IGF1R: variants seen among roughly 807,000 people sequenced by gnomAD.
The protein encoded by IGF1R is insulin like growth factor 1 receptor, also known as insulin-like growth factor 1 receptor.
IGF1R carries 44 observed loss-of-function variants against 144.6 expected under a neutral mutation model. The ratio of observed to expected loss-of-function variants is 0.30; its 90% confidence interval spans 0.24 to 0.39. The LOEUF (loss-of-function observed/expected upper bound fraction) is 0.39. Ranked by LOEUF, IGF1R falls within the 10% of genes least tolerant of loss-of-function variation. The probability of loss-of-function intolerance (pLI) is 1.00; values close to 1 mark genes in which losing one functional copy is unlikely to be tolerated. For synonymous variants in IGF1R, 795 were observed against 722.8 expected, an observed-to-expected ratio of 1.10 and a Z score of -1.60; for missense variants, 1,355 against 1,833.7, an observed-to-expected ratio of 0.74 and a Z score of 4.77.
chr15:98,937,314 C>G (rs962537871), intron 17 of IGF1R, among the ~76,000 whole-genome samples: 1 of 152,166 alleles, frequency 6.6e-6, no homozygotes, highest in Non-Finnish European at 1.5e-5. Flanking sequence ...AAACTCACTC[C>G]CTTCCTCCCC....
chr15:98,819,106 A>G (rs942866198), intron 2 of IGF1R, among the ~76,000 whole-genome samples: 1 of 152,092 alleles, frequency 6.6e-6, no homozygotes, highest in African/African-American at 2.4e-5. Flanking sequence ...CAGGTCAGAA[A>G]TGCCTCAGAC....
chr15:98,863,935 G>T (rs1323531527), intron 2 of IGF1R, among the ~76,000 whole-genome samples: 1 of 152,166 alleles, frequency 6.6e-6, no homozygotes, highest in Non-Finnish European at 1.5e-5. Flanking sequence ...GTAATTAAAA[G>T]AAGTGTTCAA....
chr15:98,900,695 G>A (rs1215219525), intron 5 of IGF1R: 1 of 152,202 alleles, frequency 6.6e-6, no homozygotes, highest in Non-Finnish European at 1.5e-5. Context: ...ATCGAAGGAG[G>A]CTGCCGCTGC....
intron 2 of IGF1R, among the ~76,000 whole-genome samples, chr15:98,837,557 A>T (rs977342257): frequency 7.9e-5 from 12 of 151,540 alleles, no homozygotes; most frequent in African/African-American, 2.7e-4. Context: ...TTTTTGTAGA[A>T]ACTCACTATG....
rs2053818252 is a variant in IGF1R, at chr15:98,704,661, C to T, written c.95-2901C>T. Among the ~76,000 whole-genome samples the T allele has an allele frequency of 6.6e-6, 1 of 152,120 alleles. No homozygotes were observed. The highest frequency in any genetic ancestry group is 6.5e-5 in the Admixed American group (1 of 15,276). ...GCTGCACACCAAGTACTGTTTTAGG[C>T]ACTGGTGATATAATTGTGAACCAAC... On this transcript the variant is annotated intron_variant, in intron 1 of 20. Coordinates refer to ENST00000650285, the MANE Select transcript of IGF1R (RefSeq NM_000875.5). This position sits in a 1 kb window ranked among gnomAD's most constrained non-coding sequence, Gnocchi z 4.9.
chr15:98,851,515 C>T (rs1477919803), intron 2 of IGF1R, among the ~76,000 whole-genome samples: 4 of 152,202 alleles, frequency 2.6e-5, no homozygotes, highest in South Asian at 4.1e-4. Flanking sequence ...CCCAGTCCTC[C>T]ATCAGTACCC....
At position 98,758,023 on chromosome 15, in the gene IGF1R, C is replaced by T. The variant is rs116413898; in HGVS notation, c.640+49916C>T. Among the ~76,000 whole-genome samples the T allele has an allele frequency of 7.6e-3, 1,152 of 152,248 alleles. 13 individuals carry two copies. The highest frequency in any genetic ancestry group is 0.026 in the African/African-American group (1,087 of 41,544). ...AATTCTTCCACCAGGGTTTGCATTT[C>T]CGCAATTTCTGCCGTTCCCATGACT... On this transcript the variant is annotated intron_variant, in intron 2 of 20. Coordinates refer to ENST00000650285, the MANE Select transcript of IGF1R (RefSeq NM_000875.5).
At chr15:98,682,128 GCCACCATTATT>G (rs2053205349) in intron 1 of IGF1R, among the ~76,000 whole-genome samples, 4 of 152,202 alleles carry the variant, frequency 2.6e-5, no homozygotes, top group Non-Finnish European at 5.9e-5. Context: ...GGCAGGACCT[GCCACCATTATT>G]TGGTCACAGG....
rs187025927 is a variant in IGF1R at position 98,795,867 on chromosome 15, C to T, written c.640+87760C>T. On this transcript the variant is annotated intron_variant, in intron 2 of 20. Transcript: ENST00000650285. ...GGTGGTCCCTTCGTGTCACCTGTGC[C>T]TTCTTACCAAGTAATTTGAAACACC... Among the ~76,000 whole-genome samples the T allele has an allele frequency of 1.3e-3, 199 of 152,334 alleles. 1 individual carries two copies. The highest frequency in any genetic ancestry group is 4.6e-3 in the African/African-American group (191 of 41,570).
intron 2 of IGF1R, among the ~76,000 whole-genome samples, chr15:98,869,352 G>C (rs1244157802): frequency 6.7e-6 from 1 of 150,252 alleles, no homozygotes; most frequent in African/African-American, 2.4e-5. Flanking sequence ...GTATTACACA[G>C]GACCTGTATG....
Position 98,860,030 on chromosome 15 carries a change from C to T in IGF1R, c.641-31295C>T, listed in dbSNP as rs1472875922. The stretch of plus-strand genomic sequence containing the variant: ...TCCCGGGTTCAAGCAATTCTCCTGC[C>T]TCAGCCTCCCGAGTAGCTGGAATTA... On this transcript the variant is annotated intron_variant, in intron 2 of 20. Coordinates refer to ENST00000650285, the MANE Select transcript of IGF1R (RefSeq NM_000875.5). Among the ~76,000 whole-genome samples the T allele has an allele frequency of 4.6e-5, 7 of 152,214 alleles. No homozygotes were observed. In the East Asian group the frequency reaches 1.2e-3, roughly 25 times the overall value.
chr15:98,940,541 T>C (rs879707790), intron 18 of IGF1R, among the ~76,000 whole-genome samples: 1 of 152,192 alleles, frequency 6.6e-6, no homozygotes, highest in African/African-American at 2.4e-5. Context: ...CTAGTTGGGA[T>C]TACAGGCGCG....
chr15:98,922,553 A>G (rs2015534237), intron 11 of IGF1R, 122 bp downstream of exon 11: 2 of 1,190,956 alleles, frequency 1.7e-6, no homozygotes, highest in South Asian at 2.5e-5. Flanking sequence ...CCTGCCTGCT[A>G]AATAACGTGC....
chr15:98,700,620 C>T (rs530999407), intron 1 of IGF1R, among the ~76,000 whole-genome samples: 1 of 152,306 alleles, frequency 6.6e-6, no homozygotes, highest in South Asian at 2.1e-4. Context: ...AAGTTGACCT[C>T]CCACACACTT....
chr15:98,926,905 C>G (rs2015743182), intron 13 of IGF1R, among the ~76,000 whole-genome samples: 1 of 152,178 alleles, frequency 6.6e-6, no homozygotes, highest in South Asian at 2.1e-4. Flanking sequence ...ATTCCTGCAG[C>G]CTTGTCCAGG....
intron 6 of IGF1R, among the ~76,000 whole-genome samples, chr15:98,910,718 G>C (rs2014973191): frequency 6.6e-6 from 1 of 152,214 alleles, no homozygotes; most frequent in Non-Finnish European, 1.5e-5. Flanking sequence ...AGATCTTCTT[G>C]TCAGTGCTTA....
chr15:98,735,157 G>A (rs2054582782), intron 2 of IGF1R, among the ~76,000 whole-genome samples: 1 of 152,124 alleles, frequency 6.6e-6, no homozygotes, highest in South Asian at 2.1e-4. Flanking sequence ...GGGGAGAGGT[G>A]ACCACCCCTC....
Position 98,698,382 on chromosome 15 carries a change from C to T in IGF1R, c.95-9180C>T, listed in dbSNP as rs144522007. On this transcript the variant is annotated intron_variant, in intron 1 of 20. Transcript: ENST00000650285. ...AAAGTGTTCAGTTTAAGTACCTTTACACTGCTGTCCAATCAATCTCTAGAA... is the reference window on the plus strand; with the variant it reads ...AAAGTGTTCAGTTTAAGTACCTTTATACTGCTGTCCAATCAATCTCTAGAA... Among the ~76,000 whole-genome samples, 4 of 152,330 alleles carry T rather than the reference C, an allele frequency of 2.6e-5. No homozygotes were observed. In the East Asian group the frequency reaches 7.7e-4, roughly 29 times the overall value.
intron 2 of IGF1R, among the ~76,000 whole-genome samples, chr15:98,757,184 CAG>C (rs1389972664): frequency 1.3e-5 from 2 of 151,330 alleles, no homozygotes; most frequent in African/African-American, 2.4e-5. Context: ...TTTTTTGAGA[CAG>C]AGTTTCACTC....
Sources: gnomAD v4.1 joint callset for allele counts (sites outside exome capture counted in the v4.1 genomes callset) on GRCh38, gnomAD v4.1.1 for gene constraint, Gnocchi (gnomAD v3.1) non-coding constraint, MANE v1.5 for transcripts, NCBI Gene and HGNC (gene_info 2026-07-23, HGNC 2026-07-21) for gene names.